The following PPM1E variants were observed in gnomAD, a reference collection of about 807,000 sequenced individuals.
The protein encoded by PPM1E is protein phosphatase 1E.
Under a neutral mutation model 65.9 loss-of-function variants are expected in PPM1E, and 20 were observed. The ratio of observed to expected loss-of-function variants is 0.30; its 90% CI spans 0.21 to 0.44. PPM1E has a LOEUF of 0.44. PPM1E is among the 20% of genes least tolerant of loss of function. The pLI is 1.00. For missense variants in PPM1E, 713 were observed against 953.1 expected, an observed-to-expected ratio of 0.75 and a Z score of 3.32; for synonymous variants, 352 against 374.9, an observed-to-expected ratio of 0.94 and a Z score of 0.70.
At chr17:58,794,912 A>G (rs2050191671) in intron 1 of PPM1E, among the ~76,000 whole-genome samples, 1 of 139,654 alleles carries the variant, frequency 7.2e-6, no homozygotes. Context: ...TTTTTGAGGC[A>G]GAGTCTTGCT....
At chr17:58,867,356 A>G (rs2051017284) in intron 1 of PPM1E, among the ~76,000 whole-genome samples, 1 of 152,214 alleles carries the variant, frequency 6.6e-6, no homozygotes, top group Non-Finnish European at 1.5e-5. Context: ...TAGCTATATT[A>G]TTAATTGCTA....
intron 1 of PPM1E, chr17:58,785,280 A>C (rs2098195506): frequency 7.2e-6 from 1 of 137,972 alleles, no homozygotes; most frequent in African/African-American, 3.0e-5. Flanking sequence ...AGAATAATAT[A>C]ACTTTTATTT....
chr17:58,825,451 G>A (rs557910886), intron 1 of PPM1E, among the ~76,000 whole-genome samples: 2 of 150,354 alleles, frequency 1.3e-5, no homozygotes, highest in African/African-American at 2.4e-5. Flanking sequence ...ATATCTAAGC[G>A]TTTTTCAATT....
intron 1 of PPM1E, among the ~76,000 whole-genome samples, chr17:58,917,618 T>TA (rs1172703349): frequency 6.6e-6 from 1 of 152,256 alleles, no homozygotes; most frequent in African/African-American, 2.4e-5. Context: ...GAACCAATTT[T>TA]ATGGTGAATT....
intron 1 of PPM1E, among the ~76,000 whole-genome samples, chr17:58,874,343 A>G (rs1051651295): frequency 1.2e-4 from 19 of 152,170 alleles, no homozygotes; most frequent in African/African-American, 2.4e-4. Flanking sequence ...TCAGAGTTCT[A>G]TCTTCATGTA....
intron 2 of PPM1E, among the ~76,000 whole-genome samples, chr17:58,956,633 C>T (rs1487489065): frequency 1.3e-5 from 2 of 151,756 alleles, no homozygotes; most frequent in East Asian, 3.9e-4. Flanking sequence ...CATTTTTTTC[C>T]AGATAAATTA....
chr17:58,903,608 A>G (rs560372265), intron 1 of PPM1E, among the ~76,000 whole-genome samples: 1 of 152,288 alleles, frequency 6.6e-6, no homozygotes, highest in African/African-American at 2.4e-5. Context: ...AAAATCTTAT[A>G]TTGTCCTGCC....
chr17:58,878,227 G>C (rs1199457491), intron 1 of PPM1E, among the ~76,000 whole-genome samples: 2 of 152,028 alleles, frequency 1.3e-5, no homozygotes, highest in Non-Finnish European at 2.9e-5. Context: ...CAAATATAGA[G>C]TAGATGATCT....
chr17:58,842,271 C>T (rs563044677), intron 1 of PPM1E, among the ~76,000 whole-genome samples: 20 of 152,192 alleles, frequency 1.3e-4, no homozygotes, highest in African/African-American at 4.3e-4. Flanking sequence ...TAAGGAGACG[C>T]GACAAGTAAA....
intron 1 of PPM1E, among the ~76,000 whole-genome samples, chr17:58,789,740 TTATA>T (rs3034940): frequency 0.013 from 1,899 of 145,472 alleles, 25 homozygotes; most frequent in African/African-American, 0.038. Flanking sequence ...TGAGAGTCAT[TTATA>T]TATATATATA....
At chr17:58,887,439 T>A (rs2051286888) in intron 1 of PPM1E, among the ~76,000 whole-genome samples, 1 of 152,180 alleles carries the variant, frequency 6.6e-6, no homozygotes, top group African/African-American at 2.4e-5. Context: ...TGTGCTGAGA[T>A]TACAGGCGTG....
chr17:58,863,903 T>A (rs1266736550), intron 1 of PPM1E, among the ~76,000 whole-genome samples: 1 of 151,990 alleles, frequency 6.6e-6, no homozygotes, highest in Non-Finnish European at 1.5e-5. Flanking sequence ...TCCACTGAGT[T>A]TGGGGTCTGG....
intron 1 of PPM1E, among the ~76,000 whole-genome samples, chr17:58,798,017 C>G (rs1056626443): frequency 6.6e-6 from 1 of 152,022 alleles, no homozygotes; most frequent in African/African-American, 2.4e-5. Flanking sequence ...TCTGCATTTC[C>G]CTGATGACTT....
At chr17:58,882,580 AG>A (rs1416273773) in intron 1 of PPM1E, among the ~76,000 whole-genome samples, 1 of 151,980 alleles carries the variant, frequency 6.6e-6, no homozygotes, top group African/African-American at 2.4e-5. Flanking sequence ...TAGTAGAGAC[AG>A]GGTTTCACCA....
At chr17:58,837,894 T>TAG (rs1297306109) in intron 1 of PPM1E, among the ~76,000 whole-genome samples, 3 of 152,228 alleles carry the variant, frequency 2.0e-5, no homozygotes, top group African/African-American at 7.2e-5. Flanking sequence ...GAAGTTAATC[T>TAG]TGACTCTGTC....
chr17:58,971,071 T>C (rs1820779133), intron 4 of PPM1E, among the ~76,000 whole-genome samples: 1 of 152,134 alleles, frequency 6.6e-6, no homozygotes, highest in Non-Finnish European at 1.5e-5. Context: ...TTTAGGTTTG[T>C]CTCAGCGCCC....
chr17:58,969,142 GA>G (rs1235922129), intron 3 of PPM1E, among the ~76,000 whole-genome samples: 2 of 151,888 alleles, frequency 1.3e-5, no homozygotes, highest in Non-Finnish European at 2.9e-5. Flanking sequence ...CTTTCATTTT[GA>G]AAAAAATCAC....
At chr17:58,806,523 A>G (rs538379536) in intron 1 of PPM1E, among the ~76,000 whole-genome samples, 2 of 152,010 alleles carry the variant, frequency 1.3e-5, no homozygotes, top group African/African-American at 4.8e-5. Flanking sequence ...ACCTTTACTA[A>G]TTCAATTTTT....
At chr17:58,767,456 G>T (rs761126693) in intron 1 of PPM1E, among the ~76,000 whole-genome samples, 2 of 152,130 alleles carry the variant, frequency 1.3e-5, no homozygotes, top group Non-Finnish European at 2.9e-5. Flanking sequence ...AAATTTCAAT[G>T]CAAATGTAGA....
Sources: gnomAD v4.1 joint callset for allele counts (sites outside exome capture counted in the v4.1 genomes callset) on GRCh38, gnomAD v4.1.1 for gene constraint, MANE v1.5 for transcripts, NCBI Gene and HGNC (gene_info 2026-07-23, HGNC 2026-07-21) for gene names.